The following MACF1 variants were observed in gnomAD, a reference collection of about 807,000 sequenced individuals.
MACF1 encodes microtubule-actin cross-linking factor 1.
MACF1 carries 193 observed loss-of-function variants against 854.8 expected under a neutral mutation model. The observed-to-expected ratio is 0.23, with a 90% CI of 0.20 to 0.25. The LOEUF (loss-of-function observed/expected upper bound fraction) is 0.25. Ranked by LOEUF, MACF1 falls within the 10% of genes least tolerant of loss-of-function variation. The pLI is 1.00. For synonymous variants in MACF1, 3,185 were observed against 3,226.7 expected (o/e 0.99, Z 0.44); for missense variants, 7,722 against 8,929.1 (o/e 0.86, Z 5.45).
intron 58 of MACF1, chr1:39,410,844 T>C: frequency 2.5e-6 from 4 of 1,614,066 alleles, no homozygotes; most frequent in Non-Finnish European, 3.4e-6. Flanking sequence ...AGTCAGTAAC[T>C]CTGGAACATG....
Position 39,291,926 on chromosome 1 carries a change from C to G in MACF1, c.1802C>G (p.Ala601Gly). The change falls in exon 16 of 101, where the codon GCA (alanine) becomes GGA (glycine). Residue 601 changes from alanine (A) to glycine (G), a missense_variant. Ala to Gly is a moderately conservative substitution (Grantham distance 60, BLOSUM62 0). Transcript: ENST00000564288. ...VEEMQMKLER[A>G]EWGNDLPSVE... ...CTTTTTCAGATGAAACTGGAGCGAG[C>G]AGAGTGGGGCAATGACCTGCCTAGT... The G allele has an allele frequency of 1.9e-6, 3 of 1,613,436 alleles. No homozygotes were observed. Among genetic ancestry groups the G allele is most frequent in the Non-Finnish European group, 2.5e-6 (3 of 1,179,828 alleles).
chr1:39,154,726 T>C (rs1643648793), intron 2 of MACF1, among the ~76,000 whole-genome samples: 1 of 151,992 alleles, frequency 6.6e-6, no homozygotes, highest in Non-Finnish European at 1.5e-5. Context: ...AAGGGATTTT[T>C]TTTTTTTAAC....
intron 2 of MACF1, among the ~76,000 whole-genome samples, chr1:39,114,895 A>T (rs1642507354): frequency 6.6e-6 from 1 of 152,158 alleles, no homozygotes; most frequent in South Asian, 2.1e-4. Context: ...TACCTAAAGG[A>T]TGTGGGACCC....
rs151020325 is a variant in MACF1, at chr1:39,166,641, C to T, written c.221-64541C>T. On this transcript the variant is annotated intron_variant, in intron 2 of 93. Coordinates refer to the MACF1 transcript ENST00000361689. Reference sequence around the variant, plus strand: ...TGATTTTTTGTATTTTTAGTAGAGACGGGGTTTCACCATGTTGCCCAGGCT... The same window carrying T: ...TGATTTTTTGTATTTTTAGTAGAGATGGGGTTTCACCATGTTGCCCAGGCT... Among the ~76,000 whole-genome samples, 1,101 of 150,954 alleles carry T rather than the reference C, an allele frequency of 7.3e-3. 4 individuals carry two copies. Among genetic ancestry groups the T allele is most frequent in the Non-Finnish European group, 0.011 (760 of 67,690 alleles).
Position 39,205,128 on chromosome 1 carries a change from G to T in MACF1, c.106G>T (p.Ala36Ser), listed in dbSNP as rs1452761513. ...CTGGAAGAGGCATGCCAGAGGTAGA[G>T]CAGGTAACTAACTGGTACCCAGTTA... ...LYWKRHARGR[A>S]DERDRVQKKT... The change falls in exon 1 of 101, where the codon GCA becomes TCA. Residue 36 changes from alanine (A) to serine (S), a missense_variant. Transcript: ENST00000564288. The T allele has an allele frequency of 2.8e-6, 2 of 703,012 alleles. No homozygotes were observed. The highest frequency in any genetic ancestry group is 5.2e-6 in the Non-Finnish European group (2 of 384,994). The allele number at this position is 703,012 out of a possible 1,614,324, so 43.5% of individuals were successfully genotyped here.
At chr1:39,119,046 C>T (rs528402247) in intron 2 of MACF1, among the ~76,000 whole-genome samples, 37 of 152,222 alleles carry the variant, frequency 2.4e-4, no homozygotes, top group African/African-American at 8.4e-4. Flanking sequence ...TTATAGGCCA[C>T]GGTGGCTCAC....
At chr1:39,463,503 A>C in intron 93 of MACF1, 109 bp from the exon 94 acceptor site, 1 of 745,872 alleles carries the variant, frequency 1.3e-6, no homozygotes, top group Middle Eastern at 2.6e-4. Context: ...AAAAAAAAAA[A>C]AATGTAAATA....
intron 72 of MACF1, among the ~76,000 whole-genome samples, chr1:39,439,910 G>T (rs866029150): frequency 6.6e-6 from 1 of 151,134 alleles, no homozygotes; most frequent in African/African-American, 2.4e-5. Context: ...CAGGCCTAAA[G>T]TTTCTTTTTA....
intron 1 of MACF1, among the ~76,000 whole-genome samples, chr1:39,210,669 G>T (rs1644504069): frequency 6.6e-6 from 1 of 152,032 alleles, no homozygotes; most frequent in Non-Finnish European, 1.5e-5. Flanking sequence ...TGTTTGAGAA[G>T]AAAAAAGACT....
At chr1:39,271,098 C>G (rs1427527981) in intron 6 of MACF1, among the ~76,000 whole-genome samples, 3 of 152,154 alleles carry the variant, frequency 2.0e-5, no homozygotes, top group African/African-American at 7.2e-5. Context: ...AGTGAAACTA[C>G]TGGGATATGG....
intron 71 of MACF1, among the ~76,000 whole-genome samples, 194 bp downstream of exon 71, chr1:39,438,202 GTAGT>G (rs759377050): frequency 1.4e-4 from 22 of 152,174 alleles, no homozygotes; most frequent in Non-Finnish European, 3.1e-4. Flanking sequence ...GTTACAATTG[GTAGT>G]TAGATTCCCA....
intron 2 of MACF1, among the ~76,000 whole-genome samples, chr1:39,116,866 A>G (rs1642560919): frequency 6.6e-6 from 1 of 152,146 alleles, no homozygotes; most frequent in South Asian, 2.1e-4. Flanking sequence ...CTCACTCTCC[A>G]TGAGTGAACT....
At chr1:39,248,751 A>G (rs1195694026) in intron 2 of MACF1, among the ~76,000 whole-genome samples, 2 of 151,998 alleles carry the variant, frequency 1.3e-5, no homozygotes, top group African/African-American at 2.4e-5. Flanking sequence ...TTTTCGAGAC[A>G]GAGTCTTGTT....
chr1:39,386,898 A>T (rs984340386), intron 57 of MACF1, among the ~76,000 whole-genome samples: 4 of 152,236 alleles, frequency 2.6e-5, no homozygotes, highest in African/African-American at 9.6e-5. Context: ...TTGGTAGAAG[A>T]AAAATTGTGC....
chr1:39,097,646 T>C (rs1318407988), intron 2 of MACF1, among the ~76,000 whole-genome samples: 1 of 151,824 alleles, frequency 6.6e-6, no homozygotes, highest in Non-Finnish European at 1.5e-5. Context: ...CACTTGAGCC[T>C]GGGAGGTTGA....
chr1:39,324,266 C>G lies in MACF1; in HGVS notation c.4310C>G (p.Ala1437Gly). The change falls in exon 34 of 101, where the codon GCG becomes GGG. Residue 1437 changes from alanine to glycine, a missense_variant. By Grantham distance (60) the Ala-to-Gly change is moderately conservative. Around this residue, in one of 15 missense-constraint regions of MACF1, gnomAD observed 1,137 missense variants for 1,263.0 expected, o/e 0.90. Coordinates refer to ENST00000564288, the MANE Select transcript of MACF1 (RefSeq NM_001394062.1). ...CTTTTGGGCTGGGTGTCTACCCTAGCGAGGAATACACAAGGAAAAGCTACC... is the reference window on the plus strand; with the variant it reads ...CTTTTGGGCTGGGTGTCTACCCTAGGGAGGAATACACAAGGAAAAGCTACC... Reference protein sequence around the residue: ...KELLGWVSTLARNTQGKATSS... With the variant: ...KELLGWVSTLGRNTQGKATSS... 6.2e-7 allele frequency: 1 copy of G among 1,613,568 alleles called. No individual in the cohort carries two copies.
chr1:39,168,377 C>T (rs1357560258), intron 2 of MACF1, among the ~76,000 whole-genome samples: 1 of 152,120 alleles, frequency 6.6e-6, no homozygotes, highest in Non-Finnish European at 1.5e-5. Context: ...TTTGTTGGGT[C>T]TTTTTCTTCT....
intron 2 of MACF1, among the ~76,000 whole-genome samples, chr1:39,164,091 G>A (rs1309634138): frequency 6.6e-6 from 1 of 151,922 alleles, no homozygotes; most frequent in Non-Finnish European, 1.5e-5. Context: ...ATTTTTTACA[G>A]TTTTATGGAA....
chr1:39,277,112 C>G (rs1645451700), intron 6 of MACF1, among the ~76,000 whole-genome samples: 1 of 148,612 alleles, frequency 6.7e-6, no homozygotes, highest in African/African-American at 2.5e-5. Context: ...GAAACATACA[C>G]ATACATTATG....
Sources: gnomAD v4.1 joint callset for allele counts (sites outside exome capture counted in the v4.1 genomes callset) on GRCh38, gnomAD v4.1.1 for gene constraint, gnomAD v4.1.1 regional missense constraint, MANE v1.5 for transcripts, NCBI Gene and HGNC (gene_info 2026-07-23, HGNC 2026-07-21) for gene names.